Variants in MIPOL1 observed in about 807,000 individuals in gnomAD.
MIPOL1 encodes mirror-image polydactyly gene 1 protein.
Under a neutral mutation model 60.9 loss-of-function variants are expected in MIPOL1, and 57 were observed. The observed-to-expected ratio is 0.94, with a 90% CI of 0.76 to 1.17. The LOEUF is 1.17. Ranked by LOEUF, MIPOL1 falls within the 50% of genes most tolerant of loss-of-function variation. The probability of loss-of-function intolerance (pLI) is 0.00; values close to 1 mark genes in which losing one functional copy is unlikely to be tolerated. For synonymous variants in MIPOL1, 179 were observed against 168.8 expected (o/e 1.06, Z -0.47); for missense variants, 551 against 511.6 (o/e 1.08, Z -0.74).
chr14:37,437,550 C>T (rs1013977099), intron 11 of MIPOL1, among the ~76,000 whole-genome samples: 6 of 152,090 alleles, frequency 3.9e-5, no homozygotes, highest in African/African-American at 1.2e-4. Context: ...ATTAGGTCTT[C>T]CTTCACCTTT....
Position 37,547,281 on chromosome 14 carries a change from A to G in MIPOL1, c.*310A>G, listed in dbSNP as rs990545396. On this transcript the variant is annotated 3_prime_UTR_variant, in exon 13 of 13. Coordinates refer to ENST00000684589, the MANE Select transcript of MIPOL1 (RefSeq NM_001388067.1). ...AATCTTTTTACTGAGAGATCATTAT[A>G]GAAACATGTTAAAGTTGGTTAGGAT... 4 of 261,990 alleles carry G rather than the reference A, an allele frequency of 1.5e-5. No homozygotes were observed. Among genetic ancestry groups the G allele is most frequent in the Non-Finnish European group, 2.9e-5 (4 of 138,166 alleles). 16.2% of individuals were successfully genotyped at this position (261,990 alleles called of 1,614,324 possible).
chr14:37,292,343 G>T (rs893017704), intron 7 of MIPOL1, among the ~76,000 whole-genome samples: 2 of 151,342 alleles, frequency 1.3e-5, no homozygotes, highest in Non-Finnish European at 2.9e-5. Flanking sequence ...GTTTTGTGTT[G>T]TATTTGTGGT....
chr14:37,385,088 A>G (rs1274090061), intron 10 of MIPOL1, among the ~76,000 whole-genome samples: 1 of 152,048 alleles, frequency 6.6e-6, no homozygotes. Context: ...TATTTTCTGT[A>G]AAAACTATAC....
Position 37,229,510 on chromosome 14 carries a change from AGCC to A in MIPOL1, c.-198-17592_-198-17590del, listed in dbSNP as rs1970292737. Reference sequence around the variant, plus strand: ...CCAAAAAACAAAACAAAACCCAAAAAGCCCATTGGTTATATGAATTAACATTAC... The same window carrying A: ...CCAAAAAACAAAACAAAACCCAAAAACATTGGTTATATGAATTAACATTAC... On this transcript the variant is annotated intron_variant, in intron 1 of 12. Coordinates refer to ENST00000684589, the MANE Select transcript of MIPOL1 (RefSeq NM_001388067.1). Among the ~76,000 whole-genome samples, 6 of 152,180 alleles carry A rather than the reference AGCC, an allele frequency of 3.9e-5. 1 individual carries two copies. The highest frequency in any genetic ancestry group is 3.9e-4 in the Admixed American group (6 of 15,268).
chr14:37,200,846 ATCTATGTGTGTGTGTGTGTGTGTGTGTG>A (rs1965140638), intron 1 of MIPOL1, among the ~76,000 whole-genome samples: 1 of 121,038 alleles, frequency 8.3e-6, no homozygotes, highest in African/African-American at 3.3e-5. Context: ...TACTATATCT[ATCTATGTGTGTGTGTGTGTGTGTGTGTG>A]TGTGTGTGTG....
chr14:37,228,332 T>C (rs866446073), intron 1 of MIPOL1, among the ~76,000 whole-genome samples: 1,716 of 150,270 alleles, frequency 0.011, 44 homozygotes, highest in African/African-American at 0.04. Context: ...TTTCTTTTTT[T>C]TTTTTTTTTT....
chr14:37,278,788 G>A (rs912878417), intron 6 of MIPOL1: 6 of 151,862 alleles, frequency 4.0e-5, no homozygotes, highest in South Asian at 2.1e-4. Flanking sequence ...AGTTTGAAAA[G>A]TGTGGAATAT....
intron 12 of MIPOL1, among the ~76,000 whole-genome samples, chr14:37,512,951 G>T (rs1323759156): frequency 6.6e-6 from 1 of 151,996 alleles, no homozygotes; most frequent in Non-Finnish European, 1.5e-5. Context: ...ATGTACTTCA[G>T]CAAGTAATAA....
intron 10 of MIPOL1, among the ~76,000 whole-genome samples, chr14:37,371,573 G>A (rs1595455674): frequency 6.6e-6 from 1 of 151,784 alleles, no homozygotes; most frequent in Admixed American, 6.6e-5. Context: ...GAAGATGAGA[G>A]GAAGAATTAA....
rs1233616114 is a variant in MIPOL1 at position 37,300,740 on chromosome 14, G to A, written c.624-7316G>A. The stretch of plus-strand genomic sequence containing the variant: ...TGCCTAGGCTAGTCTCAAGCTCCTG[G>A]GCTCAAATGATACTCCTGCCTCAGC... On this transcript the variant is annotated intron_variant, in intron 7 of 12. Transcript: ENST00000684589. 5.1e-4 allele frequency among the ~76,000 whole-genome samples: 8 copies of A among 15,724 alleles called. 4 individuals are homozygous for A. Among genetic ancestry groups the A allele is most frequent in the African/African-American group, 6.4e-4 (8 of 12,466 alleles). 10.3% of individuals were successfully genotyped at this position (15,724 alleles called of 152,430 possible). A position where few individuals can be genotyped will look rare whatever the true frequency, so the allele number is the denominator to read the frequency against.
intron 11 of MIPOL1, among the ~76,000 whole-genome samples, chr14:37,467,519 G>A (rs918120255): frequency 8.5e-5 from 13 of 152,224 alleles, no homozygotes; most frequent in East Asian, 3.9e-4. Flanking sequence ...ATAAGTTGTG[G>A]TGAAGTGATT....
intron 9 of MIPOL1, among the ~76,000 whole-genome samples, chr14:37,324,144 T>G (rs1044100850): frequency 6.6e-5 from 10 of 152,044 alleles, no homozygotes; most frequent in African/African-American, 2.4e-4. Context: ...CAGCACAGTT[T>G]ATGTGGAAGT....
At chr14:37,292,627 C>T (rs1270011939) in intron 7 of MIPOL1, among the ~76,000 whole-genome samples, 1 of 151,672 alleles carries the variant, frequency 6.6e-6, no homozygotes, top group Admixed American at 6.6e-5. Flanking sequence ...ATTATAGGCA[C>T]CTGCCACCAG....
At chr14:37,232,830 T>C (rs1219696318) in intron 1 of MIPOL1, among the ~76,000 whole-genome samples, 1 of 152,230 alleles carries the variant, frequency 6.6e-6, no homozygotes, top group Non-Finnish European at 1.5e-5. Context: ...TTTACTTCTT[T>C]TAATGAACCT....
intron 11 of MIPOL1, among the ~76,000 whole-genome samples, chr14:37,444,337 T>C (rs1038629675): frequency 2.0e-5 from 3 of 152,196 alleles, no homozygotes; most frequent in East Asian, 1.9e-4. Context: ...AATTTAACAC[T>C]GTACTCTGAA....
intron 10 of MIPOL1, among the ~76,000 whole-genome samples, chr14:37,387,904 AAAAT>A (rs2093119986): frequency 6.6e-6 from 1 of 151,914 alleles, no homozygotes; most frequent in African/African-American, 2.4e-5. Context: ...AAGATGTATT[AAAAT>A]AAATAAATAA....
At chr14:37,297,611 A>G (rs973485178) in intron 7 of MIPOL1, among the ~76,000 whole-genome samples, 1 of 152,234 alleles carries the variant, frequency 6.6e-6, no homozygotes, top group Non-Finnish European at 1.5e-5. Flanking sequence ...GCAAAGTCTC[A>G]GGATACAAAA....
intron 10 of MIPOL1, among the ~76,000 whole-genome samples, chr14:37,392,575 GA>G (rs1236760005): frequency 6.6e-6 from 1 of 152,106 alleles, no homozygotes; most frequent in Non-Finnish European, 1.5e-5. Flanking sequence ...TAATAGTGAT[GA>G]GAACAGACAT....
rs113234888 is a variant in MIPOL1, at chr14:37,284,121, T to C, written c.494-1197T>C. Among the ~76,000 whole-genome samples, 344 of 152,260 alleles carry C rather than the reference T, an allele frequency of 2.3e-3. 2 individuals are homozygous for C. The highest frequency in any genetic ancestry group is 7.7e-3 in the African/African-American group (322 of 41,562). On this transcript the variant is annotated intron_variant, in intron 6 of 12. Transcript: ENST00000684589. Reference sequence around the variant, plus strand: ...TTAGATAACATTAAACCTCCTGATATAGTGCTGCAAAAATCTAGATGATGC... The same window carrying C: ...TTAGATAACATTAAACCTCCTGATACAGTGCTGCAAAAATCTAGATGATGC...
Sources: allele counts gnomAD v4.1 joint callset (sites outside exome capture counted in the v4.1 genomes callset), GRCh38; gene constraint gnomAD v4.1.1; transcripts MANE v1.5; gene names NCBI Gene and HGNC (gene_info 2026-07-23, HGNC 2026-07-21).